The following ANKRD6 variants were observed in gnomAD, a reference collection of about 807,000 sequenced individuals.
The protein encoded by ANKRD6 is ankyrin repeat domain 6, also known as ankyrin repeat domain-containing protein 6.
Under a neutral mutation model 82.3 loss-of-function variants are expected in ANKRD6, and 56 were observed. The observed-to-expected ratio is 0.68, with a 90% CI of 0.55 to 0.85. The LOEUF (loss-of-function observed/expected upper bound fraction) is 0.85. Ranked by LOEUF, ANKRD6 falls within the 40% of genes least tolerant of loss-of-function variation. The pLI, the probability that ANKRD6 is intolerant of heterozygous loss-of-function variation, is 0.00. For missense variants in ANKRD6, 852 were observed against 907.6 expected (o/e 0.94, Z 0.79); for synonymous variants, 347 against 352.1 (o/e 0.99, Z 0.16).
At chr6:89,587,340 T>C (rs990556108) in intron 2 of ANKRD6, among the ~76,000 whole-genome samples, 3 of 149,528 alleles carry the variant, frequency 2.0e-5, no homozygotes, top group African/African-American at 7.4e-5. Flanking sequence ...AATACAAAAA[T>C]TAGCCGGGAG....
At chr6:89,534,408 C>T (rs945691549) in intron 1 of ANKRD6, among the ~76,000 whole-genome samples, 6 of 152,142 alleles carry the variant, frequency 3.9e-5, no homozygotes, top group African/African-American at 1.4e-4. Context: ...AAGTTATTTT[C>T]TGAACATAAA....
intron 2 of ANKRD6, among the ~76,000 whole-genome samples, chr6:89,577,910 A>G (rs1014183184): frequency 9.2e-5 from 14 of 152,230 alleles, no homozygotes; most frequent in African/African-American, 3.4e-4. Flanking sequence ...GTTTTATGCA[A>G]GTTTGGTTAA....
At chr6:89,548,810 T>C (rs1202381939) in intron 1 of ANKRD6, among the ~76,000 whole-genome samples, 1 of 152,250 alleles carries the variant, frequency 6.6e-6, no homozygotes, top group Admixed American at 6.5e-5. Context: ...TCTTAGTGTG[T>C]AGGCTGGAAA....
chr6:89,535,337 GA>G (rs1330064928), intron 1 of ANKRD6, among the ~76,000 whole-genome samples: 2 of 151,306 alleles, frequency 1.3e-5, no homozygotes, highest in African/African-American at 2.4e-5. Flanking sequence ...ATCCTGGGGG[GA>G]AAAATATATA....
At chr6:89,629,080 A>G in intron 14 of ANKRD6, 32 bp from the exon 15 acceptor site, 1 of 1,593,898 alleles carries the variant, frequency 6.3e-7, no homozygotes, top group Non-Finnish European at 8.5e-7. Flanking sequence ...TCTTCTATGT[A>G]CTTATTTGTG....
At chr6:89,510,417 A>G (rs1296351528) in intron 1 of ANKRD6, among the ~76,000 whole-genome samples, 2 of 151,356 alleles carry the variant, frequency 1.3e-5, no homozygotes, top group Non-Finnish European at 2.9e-5. Flanking sequence ...GGAAGCATTC[A>G]TGTTATTCTT....
At chr6:89,518,465 G>A (rs1781495817) in intron 1 of ANKRD6, among the ~76,000 whole-genome samples, 1 of 151,996 alleles carries the variant, frequency 6.6e-6, no homozygotes, top group Admixed American at 6.6e-5. Context: ...TGAAAGGAAT[G>A]AACACGAGTC....
At chr6:89,462,319 G>A (rs1774279137) in intron 1 of ANKRD6, among the ~76,000 whole-genome samples, 1 of 151,140 alleles carries the variant, frequency 6.6e-6, no homozygotes, top group Admixed American at 6.6e-5. Context: ...TCTTCTTTTG[G>A]GGTTAAACTG....
intron 1 of ANKRD6, among the ~76,000 whole-genome samples, chr6:89,519,453 A>G (rs1781632723): frequency 6.6e-6 from 1 of 152,196 alleles, no homozygotes; most frequent in Admixed American, 6.5e-5. Context: ...AGAATGGGAG[A>G]AAGGAGATTT....
At chr6:89,617,838 TGCTGGGTGTG>T (rs1801977508) in intron 8 of ANKRD6, 106 bp from the exon 9 acceptor site, 3 of 949,074 alleles carry the variant, frequency 3.2e-6, no homozygotes, top group Non-Finnish European at 5.0e-6. Flanking sequence ...GCCACGTAGG[TGCTGGGTGTG>T]ACTGGGTGTG....
rs578150535 is a variant in ANKRD6, at chr6:89,550,815, G to A, written c.-143-16019G>A. The stretch of plus-strand genomic sequence containing the variant: ...TACTAAAAATTCAAAAATTAGCAGG[G>A]CATGGTGGCGGGCGCCTGTAGTCCC... On this transcript the variant is annotated intron_variant, in intron 1 of 15. Transcript: ENST00000339746. Among the ~76,000 whole-genome samples the A allele has an allele frequency of 3.3e-5, 5 of 152,158 alleles. No homozygotes were observed. In the East Asian group the frequency reaches 9.7e-4, roughly 29 times the overall value.
rs567712680 is a variant in ANKRD6 at position 89,480,030 on chromosome 6, C to T, written c.-144+46655C>T. On this transcript the variant is annotated intron_variant, in intron 1 of 15. Coordinates refer to ENST00000339746, the MANE Select transcript of ANKRD6 (RefSeq NM_001242809.2). ...TCACGTGTGATGAAGAACCCCTTTT[C>T]TTTAAGTTCCTCCTCCACCTAAAAG... Among the ~76,000 whole-genome samples the T allele has an allele frequency of 7.9e-5, 12 of 152,220 alleles. No individual in the cohort carries two copies. The South Asian group carries it at 2.3e-3, about 29-fold the overall frequency.
At chr6:89,623,579 C>T in intron 11 of ANKRD6, 35 bp downstream of exon 11, 1 of 1,561,362 alleles carries the variant, frequency 6.4e-7, no homozygotes. Flanking sequence ...AGAGGGGTGG[C>T]TGGGAGGCAG....
chr6:89,440,742 A>G (rs1165069670), intron 1 of ANKRD6, among the ~76,000 whole-genome samples: 1 of 151,950 alleles, frequency 6.6e-6, no homozygotes, highest in Admixed American at 6.6e-5. Flanking sequence ...TTGCAGTGCA[A>G]TATGATCATG....
chr6:89,625,476 C>T (rs1183209542), intron 13 of ANKRD6, among the ~76,000 whole-genome samples: 1 of 152,008 alleles, frequency 6.6e-6, no homozygotes, highest in East Asian at 1.9e-4. Flanking sequence ...GGAGTGAATG[C>T]TTGTATATAA....
intron 15 of ANKRD6, 68 bp downstream of exon 15, chr6:89,629,306 A>G (rs1806769971): frequency 6.9e-6 from 11 of 1,598,866 alleles, no homozygotes; most frequent in Non-Finnish European, 7.7e-6. Flanking sequence ...ACTCTCCTGC[A>G]CTGAAAGGCA....
At chr6:89,516,488 A>AT (rs540374621) in intron 1 of ANKRD6, among the ~76,000 whole-genome samples, 1 of 151,946 alleles carries the variant, frequency 6.6e-6, no homozygotes, top group Admixed American at 6.6e-5. Context: ...TCCATTCTAG[A>AT]TTTTTTTTAA....
chr6:89,498,770 C>T lies in ANKRD6; in HGVS notation c.-144+65395C>T, dbSNP rs565562977. 3.5e-4 allele frequency among the ~76,000 whole-genome samples: 53 copies of T among 152,268 alleles called. 2 individuals are homozygous for T. Among genetic ancestry groups the T allele is most frequent in the Middle Eastern group, 3.4e-3 (1 of 294 alleles). ...CAGTTTGCTATGGATTAGATGGATT[C>T]TTTGAATTAGAATAAGCAAGGAGAA... is the stretch of plus-strand genomic sequence containing the variant. On this transcript the variant is annotated intron_variant, in intron 1 of 15. Transcript: ENST00000339746.
At position 89,544,145 on chromosome 6, in the gene ANKRD6, A is replaced by G. The variant is rs1006843222; in HGVS notation, c.-143-22689A>G. ...TGGTTGGCTCTTCTGATCTTTCATA[A>G]GAGATCCACACTACATGCCCACTCT... On this transcript the variant is annotated intron_variant, in intron 1 of 15. Transcript: ENST00000339746. Among the ~76,000 whole-genome samples, 6 of 148,062 alleles carry G rather than the reference A, an allele frequency of 4.1e-5. 1 individual carries two copies. The highest frequency in any genetic ancestry group is 9.0e-5 in the Non-Finnish European group (6 of 66,622).
Sources: gnomAD v4.1 joint callset for allele counts (sites outside exome capture counted in the v4.1 genomes callset) on GRCh38, gnomAD v4.1.1 for gene constraint, MANE v1.5 for transcripts, NCBI Gene and HGNC (gene_info 2026-07-23, HGNC 2026-07-21) for gene names.